Variants in NSMAF observed in about 807,000 individuals in gnomAD.
The protein encoded by NSMAF is neutral sphingomyelinase activation associated factor.
Under a neutral mutation model 134.9 loss-of-function variants are expected in NSMAF, and 90 were observed. That is an observed-to-expected ratio of 0.67 (90% CI 0.56 to 0.79). The LOEUF (loss-of-function observed/expected upper bound fraction) is 0.79. Ranked by LOEUF, NSMAF falls within the 30% of genes least tolerant of loss-of-function variation. The pLI is 0.00. For missense variants in NSMAF, 1,010 were observed against 1,119.0 expected (o/e 0.90, Z 1.39); for synonymous variants, 358 against 389.6 (o/e 0.92, Z 0.96).
At chr8:58,633,733 A>G (rs1051500281) in intron 5 of NSMAF, among the ~76,000 whole-genome samples, 2 of 152,206 alleles carry the variant, frequency 1.3e-5, no homozygotes, top group Non-Finnish European at 2.9e-5. Context: ...CTCTCTAAAT[A>G]TAAAGCACCG....
chr8:58,636,918 G>GA (rs1320083395), intron 2 of NSMAF, among the ~76,000 whole-genome samples: 1 of 151,956 alleles, frequency 6.6e-6, no homozygotes, highest in Non-Finnish European at 1.5e-5. Context: ...TTTGTACAAG[G>GA]AAAATAACAA....
Position 58,607,858 on chromosome 8 carries a change from C to A in NSMAF, c.688-18G>T. 1.3e-6 allele frequency: 2 copies of A among 1,587,044 alleles called. No homozygotes were observed. The highest frequency in any genetic ancestry group is 1.7e-6 in the Non-Finnish European group (2 of 1,155,372). ...ACAGGTTTCTTTAAAAGTAGAAAGA[C>A]AATCTCAAACATTATTGTTCTGACA... On this transcript the variant is annotated intron_variant, in intron 10 of 30. Coordinates refer to ENST00000038176, the MANE Select transcript of NSMAF (RefSeq NM_003580.4).
chr8:58,600,198 CAG>C, intron 16 of NSMAF, 177 bp from the exon 17 acceptor site: 1 of 604,696 alleles, frequency 1.7e-6, no homozygotes, highest in African/African-American at 1.9e-5. Flanking sequence ...CACTGGGGCC[CAG>C]AGAGTTTATG....
chr8:58,650,270 G>GT (rs1585767022), intron 1 of NSMAF, among the ~76,000 whole-genome samples: 1 of 152,268 alleles, frequency 6.6e-6, no homozygotes, highest in East Asian at 1.9e-4. Context: ...AACTTTGGAA[G>GT]TTTTTTTGTT....
At chr8:58,589,824 A>T in intron 25 of NSMAF, 183 bp downstream of exon 25, 1 of 587,264 alleles carries the variant, frequency 1.7e-6, no homozygotes, top group Non-Finnish European at 2.8e-6. Flanking sequence ...CCAATTGGAG[A>T]AATTATTCAA....
chr8:58,617,337 G>A (rs1201315081), intron 9 of NSMAF, among the ~76,000 whole-genome samples: 5 of 152,114 alleles, frequency 3.3e-5, no homozygotes, highest in Non-Finnish European at 7.4e-5. Flanking sequence ...AAGAACTTCT[G>A]CACAGCAAAA....
chr8:58,626,180 G>A (rs1187947794), intron 6 of NSMAF, among the ~76,000 whole-genome samples: 1 of 143,468 alleles, frequency 7.0e-6, no homozygotes, highest in Non-Finnish European at 1.5e-5. Context: ...CTCTCTGCAA[G>A]CTCTGCCTCC....
At chr8:58,600,154 A>G (rs1330321141) in intron 16 of NSMAF, 133 bp from the exon 17 acceptor site, 2 of 671,880 alleles carry the variant, frequency 3.0e-6, no homozygotes, top group Non-Finnish European at 5.1e-6. Flanking sequence ...AGTTCTAACC[A>G]TCTCTCTGAG....
chr8:58,590,546 C>T (rs1237760142), intron 24 of NSMAF, among the ~76,000 whole-genome samples: 1 of 152,098 alleles, frequency 6.6e-6, no homozygotes, highest in Non-Finnish European at 1.5e-5. Context: ...GATATCCTAC[C>T]AACTCAGAGA....
intron 2 of NSMAF, among the ~76,000 whole-genome samples, chr8:58,642,528 T>C (rs978964451): frequency 6.6e-6 from 1 of 152,236 alleles, no homozygotes; most frequent in Non-Finnish European, 1.5e-5. Context: ...TCTTGTGGTT[T>C]ATAATCATTA....
Position 58,659,657 on chromosome 8 carries a change from A to G in NSMAF, c.-26T>C. The G allele has an allele frequency of 1.7e-5, 24 of 1,408,054 alleles. No homozygotes were observed. Among genetic ancestry groups the G allele is most frequent in the Non-Finnish European group, 2.2e-5 (24 of 1,081,554 alleles). The allele number at this position is 1,408,054 out of a possible 1,614,324, so 87.2% of individuals were successfully genotyped here. A position where few individuals can be genotyped will look rare whatever the true frequency, so the allele number is the denominator to read the frequency against. On this transcript the variant is annotated 5_prime_UTR_variant, in exon 1 of 31. Coordinates refer to ENST00000038176, the MANE Select transcript of NSMAF (RefSeq NM_003580.4). The stretch of plus-strand genomic sequence containing the variant: ...GGAGGGTAGGCGCGGGCGGGCGCAG[A>G]GCGCACAGGCAGGCCCCGCCGCCGC...
chr8:58,636,670 T>C (rs1415610786), intron 2 of NSMAF, among the ~76,000 whole-genome samples: 2 of 152,198 alleles, frequency 1.3e-5, no homozygotes, highest in Admixed American at 6.5e-5. Flanking sequence ...TTTGCTGTTA[T>C]AGGGAAAGCA....
intron 2 of NSMAF, among the ~76,000 whole-genome samples, chr8:58,639,139 G>C (rs1042956698): frequency 2.6e-5 from 4 of 152,030 alleles, no homozygotes; most frequent in Non-Finnish European, 5.9e-5. Flanking sequence ...AAAAAAATTA[G>C]CCAGAAATGG....
chr8:58,584,223 A>G (rs753601752), intron 30 of NSMAF, 23 bp from the exon 31 acceptor site: 92 of 1,586,140 alleles, frequency 5.8e-5, no homozygotes, highest in Non-Finnish European at 7.7e-5. Flanking sequence ...CATTTTGGTT[A>G]GTTAGGAAGT....
At chr8:58,585,085 C>T (rs981089984) in intron 30 of NSMAF, among the ~76,000 whole-genome samples, 1 of 152,164 alleles carries the variant, frequency 6.6e-6, no homozygotes. Context: ...GATCAGAAAG[C>T]AAGCAAGAAT....
chr8:58,602,011 T>C, intron 14 of NSMAF, 47 bp downstream of exon 14: 1 of 1,450,816 alleles, frequency 6.9e-7, no homozygotes, highest in Non-Finnish European at 9.6e-7. Context: ...ACACAGGCCA[T>C]GGCTTCTCGT....
At position 58,591,788 on chromosome 8, in the gene NSMAF, C is replaced by T. The variant is rs139260915; in HGVS notation, c.1952-854G>A. On this transcript the variant is annotated intron_variant, in intron 23 of 30. Coordinates refer to ENST00000038176, the MANE Select transcript of NSMAF (RefSeq NM_003580.4). ...AGGTGTGAGTAACTGTGCCCGGCCT[C>T]AAAACAACCTCTTAAAACCCAAGAC... Among the ~76,000 whole-genome samples, 583 of 151,904 alleles carry T rather than the reference C, an allele frequency of 3.8e-3. 3 individuals are homozygous for T. Among genetic ancestry groups the T allele is most frequent in the African/African-American group, 0.013 (555 of 41,472 alleles).
chr8:58,590,748 GA>G, intron 24 of NSMAF, 118 bp downstream of exon 24: 1 of 1,091,266 alleles, frequency 9.2e-7, no homozygotes, highest in Non-Finnish European at 1.3e-6. Context: ...GTATCTGGTA[GA>G]TTTACTACAC....
chr8:58,659,473 G>A (rs1807809666), intron 1 of NSMAF, 100 bp downstream of exon 1: 4 of 1,477,934 alleles, frequency 2.7e-6, no homozygotes, highest in East Asian at 2.9e-5. Context: ...TCCGTGCCCG[G>A]CCCCCACGCC....
Sources: allele counts gnomAD v4.1 joint callset (sites outside exome capture counted in the v4.1 genomes callset), GRCh38; gene constraint gnomAD v4.1.1; transcripts MANE v1.5; gene names NCBI Gene and HGNC (gene_info 2026-07-23, HGNC 2026-07-21).